The following CACNA1C variants were observed in gnomAD, a reference collection of about 807,000 sequenced individuals.
The protein encoded by CACNA1C is calcium voltage-gated channel subunit alpha1 C, also known as voltage-dependent L-type calcium channel subunit alpha-1C.
CACNA1C carries 30 observed loss-of-function variants against 229.0 expected under a neutral mutation model. The ratio of observed to expected loss-of-function variants is 0.13; its 90% CI spans 0.10 to 0.18. CACNA1C has a LOEUF of 0.18. Ranked by LOEUF, CACNA1C falls within the 10% of genes least tolerant of loss-of-function variation. The probability of loss-of-function intolerance (pLI) is 1.00; values close to 1 mark genes in which losing one functional copy is unlikely to be tolerated. For missense variants in CACNA1C, 1,658 were observed against 2,845.0 expected, an observed-to-expected ratio of 0.58 and a Z score of 9.49; for synonymous variants, 1,114 against 1,132.5, an observed-to-expected ratio of 0.98 and a Z score of 0.33.
chr12:2,211,913 GT>G (rs1196302712), intron 3 of CACNA1C, among the ~76,000 whole-genome samples: 11 of 151,902 alleles, frequency 7.2e-5, no homozygotes, highest in Admixed American at 5.9e-4. Context: ...TAGAGATGGG[GT>G]TTCACCATGT....
At chr12:1,993,053 T>A (rs947345677) in intron 1 of CACNA1C, 7 of 709,200 alleles carry the variant, frequency 9.9e-6, no homozygotes, top group Non-Finnish European at 1.5e-5. Context: ...TAGGTTTATA[T>A]CATCATATTT....
intron 3 of CACNA1C, among the ~76,000 whole-genome samples, chr12:2,176,126 G>A (rs747622374): frequency 2.0e-5 from 3 of 152,158 alleles, no homozygotes; most frequent in Non-Finnish European, 4.4e-5. Flanking sequence ...GATGCTAGAG[G>A]ATGCTAGGAA....
intron 29 of CACNA1C, among the ~76,000 whole-genome samples, chr12:2,622,765 C>G (rs1196957185): frequency 1.3e-5 from 2 of 152,160 alleles, no homozygotes; most frequent in African/African-American, 4.8e-5. Context: ...CACAATCTTT[C>G]CTCTCTCCTC....
intron 9 of CACNA1C, among the ~76,000 whole-genome samples, chr12:2,547,847 C>T (rs2099884623): frequency 6.6e-6 from 1 of 152,206 alleles, no homozygotes; most frequent in Non-Finnish European, 1.5e-5. Context: ...CCAGCACAGG[C>T]AGTGCCTTGA....
intron 7 of CACNA1C, among the ~76,000 whole-genome samples, chr12:2,495,350 T>C (rs1049498590): frequency 1.3e-5 from 2 of 152,182 alleles, no homozygotes; most frequent in Non-Finnish European, 1.5e-5. Flanking sequence ...GGATAAATGA[T>C]TGTGTGGGAC....
chr12:2,292,399 C>T (rs537439971), intron 3 of CACNA1C, among the ~76,000 whole-genome samples: 7 of 152,242 alleles, frequency 4.6e-5, no homozygotes, highest in African/African-American at 9.6e-5. Context: ...AAACAGAGCA[C>T]GTTTGTTGAT....
intron 3 of CACNA1C, among the ~76,000 whole-genome samples, chr12:2,141,399 C>T (rs2094170888): frequency 6.6e-6 from 1 of 151,204 alleles, no homozygotes; most frequent in Non-Finnish European, 1.5e-5. Flanking sequence ...GAAGAAAGCC[C>T]TGGACGGTGC....
chr12:2,694,525 A>G lies in CACNA1C; in HGVS notation c.*3326A>G, dbSNP rs2097822522. 6.6e-6 allele frequency: 1 copy of G among 152,236 alleles called. No individual in the cohort carries two copies. Among genetic ancestry groups the G allele is most frequent in the Non-Finnish European group, 1.5e-5 (1 of 68,050 alleles). 9.4% of individuals were successfully genotyped at this position (152,236 alleles called of 1,614,324 possible). On this transcript the variant is annotated 3_prime_UTR_variant, in exon 47 of 47. Coordinates refer to ENST00000399655, the MANE Select transcript of CACNA1C (RefSeq NM_000719.7). The stretch of plus-strand genomic sequence containing the variant: ...AGCTTTGATTCAGAAGGTACTAGTT[A>G]TAACCCCTTTCCTTCTTCTTAATCC...
At chr12:2,263,445 C>T (rs78586803) in intron 3 of CACNA1C, among the ~76,000 whole-genome samples, 3 of 151,998 alleles carry the variant, frequency 2.0e-5, no homozygotes, top group Non-Finnish European at 4.4e-5. Context: ...GTGGTGCTAA[C>T]TTGGGGTGAA....
intron 1 of CACNA1C, among the ~76,000 whole-genome samples, chr12:2,093,903 T>G (rs1031698748): frequency 6.6e-6 from 1 of 152,228 alleles, no homozygotes; most frequent in African/African-American, 2.4e-5. Context: ...TGTTTCGTGC[T>G]GAAAGGACAT....
intron 1 of CACNA1C, among the ~76,000 whole-genome samples, chr12:2,008,439 C>T (rs1044838297): frequency 6.6e-6 from 1 of 151,990 alleles, no homozygotes; most frequent in African/African-American, 2.4e-5. Flanking sequence ...CTACGTTGCT[C>T]AGGATGGAGA....
At chr12:2,462,318 C>T (rs1041759865) in intron 5 of CACNA1C, among the ~76,000 whole-genome samples, 9 of 145,602 alleles carry the variant, frequency 6.2e-5, no homozygotes, top group Admixed American at 4.1e-4. Context: ...TACAGGCCTG[C>T]GCACCTCCTC....
intron 5 of CACNA1C, among the ~76,000 whole-genome samples, chr12:2,477,493 C>T (rs368511126): frequency 1.3e-5 from 2 of 152,154 alleles, no homozygotes; most frequent in Non-Finnish European, 2.9e-5. Context: ...CCTACAGTTG[C>T]GCTACCACAT....
In CACNA1C at chr12:2,403,309, C is replaced by T. The variant is rs2098700009; in HGVS notation, c.478-45667C>T. On this transcript the variant is annotated intron_variant, in intron 3 of 46. Transcript: ENST00000399655. The surrounding 1 kb of genome is among the most constrained non-coding windows in gnomAD (Gnocchi z 4.1). Reference sequence around the variant, plus strand: ...TGGTCTTGGCCACACAGCTGACTAGCTGCTTGTGTCATTGGACGAGTGACT... The same window carrying T: ...TGGTCTTGGCCACACAGCTGACTAGTTGCTTGTGTCATTGGACGAGTGACT... 6.6e-6 allele frequency among the ~76,000 whole-genome samples: 1 copy of T among 152,210 alleles called. No individual in the cohort carries two copies. Among genetic ancestry groups the T allele is most frequent in the African/African-American group, 2.4e-5 (1 of 41,456 alleles).
intron 3 of CACNA1C, among the ~76,000 whole-genome samples, chr12:2,365,585 T>G (rs1381127501): frequency 6.6e-6 from 1 of 152,198 alleles, no homozygotes; most frequent in African/African-American, 2.4e-5. Flanking sequence ...TTCATGAAAT[T>G]GCAAAATAGA....
At chr12:2,089,993 C>T (rs973471217) in intron 1 of CACNA1C, among the ~76,000 whole-genome samples, 12 of 152,108 alleles carry the variant, frequency 7.9e-5, no homozygotes, top group African/African-American at 2.9e-4. Flanking sequence ...CATGCCATTG[C>T]ACTCCAGCCT....
chr12:2,270,136 G>A (rs2084219003), intron 3 of CACNA1C, among the ~76,000 whole-genome samples: 1 of 152,336 alleles, frequency 6.6e-6, no homozygotes, highest in Admixed American at 6.5e-5. Flanking sequence ...AGGGGAGCCA[G>A]CAGGGAGCTG....
chr12:2,540,282 T>C (rs1276533158), intron 9 of CACNA1C, among the ~76,000 whole-genome samples: 1 of 152,038 alleles, frequency 6.6e-6, no homozygotes, highest in East Asian at 1.9e-4. Flanking sequence ...CATGATGATA[T>C]GAAGTGTTAT....
Position 2,067,503 on chromosome 12 carries a change from T to G in CACNA1C, c.49+13892T>G, listed in dbSNP as rs1435660116. Among the ~76,000 whole-genome samples, 2 of 149,198 alleles carry G rather than the reference T, an allele frequency of 1.3e-5. No homozygotes were observed. The highest frequency in any genetic ancestry group is 1.5e-5 in the Non-Finnish European group (1 of 66,964). On this transcript the variant is annotated intron_variant, in intron 1 of 46. Coordinates refer to ENST00000399655, the MANE Select transcript of CACNA1C (RefSeq NM_000719.7). The surrounding 1 kb of genome is among the most constrained non-coding windows in gnomAD (Gnocchi z 5.3). ...GTGTGCGCGCGTGTGCGTGCCTGTA[T>G]GTAAGGGCAGGCACATGAAGACAGA...
Sources: gnomAD v4.1 joint callset for allele counts (sites outside exome capture counted in the v4.1 genomes callset) on GRCh38, gnomAD v4.1.1 for gene constraint, Gnocchi (gnomAD v3.1) non-coding constraint, MANE v1.5 for transcripts, NCBI Gene and HGNC (gene_info 2026-07-23, HGNC 2026-07-21) for gene names.